ZNF599: variants seen among roughly 807,000 people sequenced by gnomAD.
The protein encoded by ZNF599 is zinc finger protein 599.
ZNF599 carries 10 observed loss-of-function variants against 11.7 expected under a neutral mutation model. That is an observed-to-expected ratio of 0.86 (90% confidence interval 0.53 to 1.45). The LOEUF (loss-of-function observed/expected upper bound fraction) is 1.45. ZNF599 is among the 40% of genes most tolerant of loss of function. The pLI is 0.00. For synonymous variants in ZNF599, 232 were observed against 253.2 expected, an observed-to-expected ratio of 0.92 and a Z score of 0.79; for missense variants, 688 against 713.6, an observed-to-expected ratio of 0.96 and a Z score of 0.41.
the ZNF599 span, among the ~76,000 whole-genome samples, chr19:34,778,504 G>T: frequency 1.3e-5 from 2 of 152,124 alleles, no homozygotes; most frequent in African/African-American, 4.8e-5. Context: ...AGAAATAGAT[G>T]TCTCCAGGTT....
At chr19:34,769,812 A>C (rs1344359209) in intron 1 of ZNF599, among the ~76,000 whole-genome samples, 1 of 152,230 alleles carries the variant, frequency 6.6e-6, no homozygotes, top group African/African-American at 2.4e-5. Flanking sequence ...GCAGACAGTA[A>C]TGTCCTAGGA....
Position 34,773,014 on chromosome 19 carries a change from T to C in ZNF599, c.-173A>G. 1.4e-6 allele frequency: 1 copy of C among 732,136 alleles called. No homozygotes were observed. The highest frequency in any genetic ancestry group is 2.1e-6 in the Non-Finnish European group (1 of 481,930). The allele number at this position is 732,136 out of a possible 1,614,324, so 45.4% of individuals were successfully genotyped here. A position where few individuals can be genotyped will look rare whatever the true frequency, so the allele number is the denominator to read the frequency against. On this transcript the variant is annotated 5_prime_UTR_variant, in exon 1 of 4. Transcript: ENST00000329285. ...TGCGCGCCGTGAGGACACAGGGCTG[T>C]CGCCAAGGCCCCAGGAAGGGTTTTG... is the stretch of plus-strand genomic sequence containing the variant.
In ZNF599 at chr19:34,759,879, C is replaced by A; in HGVS notation, c.922G>T (p.Glu308Ter). ...CATTCTTTGCATAAAAAGGGTTTTT[C>A]TCGAGTGTGAGTCATATTATGCTGG... ...FIQHNMTHTR[E>*]KPFLCKECGK... is the part of the protein sequence containing the mutation. The change falls in exon 4 of 4, where the codon GAA (glutamate) becomes TAA (stop). Residue 308 changes from glutamate to a stop codon, truncating the protein, a stop_gained. Coordinates refer to ENST00000329285, the MANE Select transcript of ZNF599 (RefSeq NM_001007248.3). LOFTEE classifies it low-confidence loss of function (END_TRUNC). 5 of 1,614,064 alleles carry A rather than the reference C, an allele frequency of 3.1e-6. No homozygotes were observed. The highest frequency in any genetic ancestry group is 4.2e-6 in the Non-Finnish European group (5 of 1,180,018).
At chr19:34,780,816 G>C in the ZNF599 span, among the ~76,000 whole-genome samples, 2 of 151,512 alleles carry the variant, frequency 1.3e-5, no homozygotes, top group Non-Finnish European at 2.9e-5. Context: ...GAAAGAGAAA[G>C]AAAGAAAGGA....
the ZNF599 span, chr19:34,779,366 G>GC: frequency 2.7e-6 from 1 of 372,508 alleles, no homozygotes; most frequent in Non-Finnish European, 5.2e-6. Context: ...CACCCTAACT[G>GC]CTGGGATTAC....
intron 1 of ZNF599, 107 bp downstream of exon 1, chr19:34,772,717 G>T: frequency 6.6e-7 from 1 of 1,523,618 alleles, no homozygotes; most frequent in Non-Finnish European, 8.8e-7. Flanking sequence ...ATAACCTAGG[G>T]CATCAAAAGG....
chr19:34,791,956 T>C, the ZNF599 span: 21 of 152,304 alleles, frequency 1.4e-4, no homozygotes, highest in African/African-American at 4.8e-4. Context: ...TGGGTAAAGA[T>C]AAGAATGACG....
chr19:34,786,157 C>T, the ZNF599 span, among the ~76,000 whole-genome samples: 3 of 152,286 alleles, frequency 2.0e-5, no homozygotes, highest in Non-Finnish European at 4.4e-5. Context: ...TGAACTCTCT[C>T]CTCACCTAGG....
the ZNF599 span, among the ~76,000 whole-genome samples, chr19:34,787,224 TC>T: frequency 5.2e-5 from 2 of 38,482 alleles, no homozygotes; most frequent in Admixed American, 1.9e-4. Flanking sequence ...ATTTTTATCA[TC>T]ATCATCATCA....
chr19:34,773,138 C>T lies in ZNF599; in HGVS notation c.-297G>A, dbSNP rs564085330. 291 of 396,104 alleles carry T rather than the reference C, an allele frequency of 7.3e-4. No individual in the cohort carries two copies. Among genetic ancestry groups the T allele is most frequent in the African/African-American group, 5.4e-3 (259 of 48,210 alleles). The allele number at this position is 396,104 out of a possible 1,614,324, so 24.5% of individuals were successfully genotyped here. ...CTCTACTCGGTCTCGAAAAGTGGCC[C>T]CTGTCTGGCGTTCTACCCAGTGTAG... On this transcript the variant is annotated 5_prime_UTR_variant, in exon 1 of 4. Transcript: ENST00000329285.
chr19:34,795,479 T>C, the ZNF599 span, among the ~76,000 whole-genome samples: 1 of 152,186 alleles, frequency 6.6e-6, no homozygotes, highest in African/African-American at 2.4e-5. Flanking sequence ...ACAGTCTCAC[T>C]GTATTGCTCA....
chr19:34,786,927 A>G, the ZNF599 span, among the ~76,000 whole-genome samples: 2 of 152,186 alleles, frequency 1.3e-5, no homozygotes, highest in African/African-American at 4.8e-5. Flanking sequence ...GTGTACTAAC[A>G]TTAAAGACTG....
the ZNF599 span, among the ~76,000 whole-genome samples, chr19:34,780,501 AAAGAG>A: frequency 4.6e-5 from 7 of 151,942 alleles, no homozygotes; most frequent in South Asian, 4.2e-4. Context: ...CCTGTGCAAG[AAAGAG>A]AAGAGAAGAG....
chr19:34,807,208 C>T, the ZNF599 span, among the ~76,000 whole-genome samples: 4 of 152,178 alleles, frequency 2.6e-5, no homozygotes, highest in African/African-American at 7.2e-5. Flanking sequence ...CTTCCCCCAG[C>T]CTAAACACCA....
intron 2 of ZNF599, 114 bp from the exon 3 acceptor site, chr19:34,767,525 C>A (rs1402264948): frequency 1.4e-6 from 1 of 692,076 alleles, no homozygotes; most frequent in Non-Finnish European, 2.4e-6. Context: ...CAGAAAGGGC[C>A]CTCCCCTGCC....
chr19:34,759,863 C>A lies in ZNF599; in HGVS notation c.938G>T (p.Cys313Phe). ...GTAAAAAGCTTTCCCACATTCTTTG[C>A]ATAAAAAGGGTTTTTCTCGAGTGTG... ...MTHTREKPFL[C>F]KECGKAFYYS... is the part of the protein sequence containing the mutation. Residue 313 changes from cysteine to phenylalanine, a missense_variant, in exon 4 of 4, where the codon TGC (cysteine) becomes TTC (phenylalanine). By Grantham distance (205) the Cys-to-Phe change is radical. Transcript: ENST00000329285. The A allele has an allele frequency of 1.2e-6, 2 of 1,614,124 alleles. No individual in the cohort carries two copies. Among genetic ancestry groups the A allele is most frequent in the Non-Finnish European group, 1.7e-6 (2 of 1,180,018 alleles).
chr19:34,792,581 G>C, the ZNF599 span, among the ~76,000 whole-genome samples: 2 of 152,102 alleles, frequency 1.3e-5, no homozygotes, highest in African/African-American at 2.4e-5. Context: ...TCCTTGTGAG[G>C]GGCCAGGTGC....
At chr19:34,778,474 C>T in the ZNF599 span, among the ~76,000 whole-genome samples, 4 of 151,988 alleles carry the variant, frequency 2.6e-5, no homozygotes, top group African/African-American at 4.8e-5. Flanking sequence ...AACTGATAAA[C>T]GTCTAGCAAA....
upstream of ZNF599, among the ~76,000 whole-genome samples, chr19:34,777,450 TTA>T (rs1568497080): frequency 1.3e-4 from 13 of 97,516 alleles, no homozygotes; most frequent in African/African-American, 5.5e-4. Context: ...TATATATTAA[TTA>T]ATATATAATA....
Sources: allele counts gnomAD v4.1 joint callset (sites outside exome capture counted in the v4.1 genomes callset), GRCh38; gene constraint gnomAD v4.1.1; transcripts MANE v1.5; gene names NCBI Gene and HGNC (gene_info 2026-07-23, HGNC 2026-07-21).